AK7: variants seen among roughly 807,000 people sequenced by gnomAD.
AK7 encodes the protein adenylate kinase 7, also known as ATP-AMP transphosphorylase 7.
A neutral mutation model predicts 96.6 loss-of-function variants in AK7; 78 were observed. The observed-to-expected ratio is 0.81, with a 90% CI of 0.67 to 0.97. The LOEUF is 0.97. Ranked by LOEUF, AK7 falls within the 50% of genes least tolerant of loss-of-function variation. AK7 has a pLI of 0.00. For synonymous variants in AK7, 302 were observed against 317.2 expected, an observed-to-expected ratio of 0.95 and a Z score of 0.51; for missense variants, 855 against 887.9, an observed-to-expected ratio of 0.96 and a Z score of 0.47.
chr14:96,446,423 C>A, intron 7 of AK7, 94 bp from the exon 8 acceptor site: 4 of 1,052,200 alleles, frequency 3.8e-6, no homozygotes, highest in Non-Finnish European at 5.9e-6. Flanking sequence ...CCAAACCCCA[C>A]GCCCAGCCAT....
intron 4 of AK7, among the ~76,000 whole-genome samples, chr14:96,410,887 G>T (rs1890993176): frequency 6.6e-6 from 1 of 152,146 alleles, no homozygotes; most frequent in Admixed American, 6.6e-5. Flanking sequence ...TGTAGTTTTA[G>T]CTACTCAGGA....
chr14:96,486,186 A>G (rs751468386), intron 16 of AK7, among the ~76,000 whole-genome samples: 14 of 152,170 alleles, frequency 9.2e-5, no homozygotes, highest in Admixed American at 2.0e-4. Context: ...GCTTCAGGTG[A>G]GGCTTGATAT....
In AK7 at chr14:96,456,439, A is replaced by G; in HGVS notation, c.1191A>G (p.Gln397=). 2 of 1,613,708 alleles carry G rather than the reference A, an allele frequency of 1.2e-6. No homozygotes were observed. Among genetic ancestry groups the G allele is most frequent in the Admixed American group, 1.7e-5 (1 of 59,986 alleles). ...ACTACTACAAACTGCATCACATCCA[A>G]CTGAAGGATGTCATTTCTGAAGCCA... ...LANYYKLHHI[Q]LKDVISEAIA... Residue 397 remains glutamine, a synonymous_variant, in exon 11 of 18, where the codon CAA becomes CAG. Coordinates refer to ENST00000267584, the MANE Select transcript of AK7 (RefSeq NM_152327.5).
rs1895917278 is a variant in AK7 at position 96,488,827 on chromosome 14, T to TGC, written c.*484_*485insGC. ...AAGATTGGTGCCTGTAAGGTGGCTTTTTTTTTTTTTTTTTTTAAATGAAGC... is the reference window on the plus strand; with the variant it reads ...AAGATTGGTGCCTGTAAGGTGGCTTTGCTTTTTTTTTTTTTTTTAAATGAAGC... On this transcript the variant is annotated 3_prime_UTR_variant, in exon 18 of 18. Transcript: ENST00000267584. The TGC allele has an allele frequency of 6.9e-6, 1 of 145,338 alleles. No homozygotes were observed. The highest frequency in any genetic ancestry group is 1.5e-5 in the Non-Finnish European group (1 of 65,380). The allele number at this position is 145,338 out of a possible 1,614,324, so 9.0% of individuals were successfully genotyped here.
At chr14:96,473,127 TC>T (rs1660822799) in intron 14 of AK7, among the ~76,000 whole-genome samples, 1 of 151,556 alleles carries the variant, frequency 6.6e-6, no homozygotes, top group Non-Finnish European at 1.5e-5. Context: ...CTCTTTGTTT[TC>T]CCCGGTAACT....
chr14:96,450,569 C>CAA (rs36081779), intron 9 of AK7, among the ~76,000 whole-genome samples: 21 of 147,886 alleles, frequency 1.4e-4, no homozygotes, highest in African/African-American at 5.2e-4. Context: ...TCCATCACAA[C>CAA]AAAAAAAAAA....
rs1476730220 is a variant in AK7 at position 96,488,364 on chromosome 14, A to G, written c.*21A>G. The G allele has an allele frequency of 1.9e-6, 3 of 1,606,840 alleles. No individual in the cohort carries two copies. On this transcript the variant is annotated 3_prime_UTR_variant, in exon 18 of 18. Transcript: ENST00000267584. ...AGTGAAACTTGAAAGATCTGGTATT[A>G]TCTACCTTTACAGAACCACAGATCA... is the stretch of plus-strand genomic sequence containing the variant.
chr14:96,454,695 C>T (rs1430298247), intron 10 of AK7, among the ~76,000 whole-genome samples: 1 of 149,914 alleles, frequency 6.7e-6, no homozygotes, highest in Non-Finnish European at 1.5e-5. Context: ...ACAGGGATCT[C>T]ACTATATTGC....
At chr14:96,416,393 A>T (rs1041485859) in intron 4 of AK7, among the ~76,000 whole-genome samples, 2 of 152,016 alleles carry the variant, frequency 1.3e-5, no homozygotes, top group Admixed American at 1.3e-4. Context: ...CTCAAAAAAA[A>T]AAAAAGAGAA....
intron 16 of AK7, among the ~76,000 whole-genome samples, chr14:96,483,696 G>T (rs953729690): frequency 1.3e-5 from 2 of 152,168 alleles, no homozygotes; most frequent in African/African-American, 4.8e-5. Context: ...AAAGTGCTGG[G>T]ATTATAGGCA....
At position 96,483,070 on chromosome 14, in the gene AK7, C is replaced by T. The variant is rs778246524; in HGVS notation, c.1825C>T (p.Arg609Ter). ...GCTCATCAAAGAGATTGGGGAGCCT[C>T]GAAATTATGGTTTAACAGACGAAGA... is the stretch of plus-strand genomic sequence containing the variant. The part of the protein sequence containing the change: ...KQLIKEIGEP[R>*]NYGLTDEEKA... The change falls in exon 16 of 18, where the codon CGA becomes TGA. Residue 609 changes from arginine to a stop codon, truncating the protein, a stop_gained. Coordinates refer to ENST00000267584, the MANE Select transcript of AK7 (RefSeq NM_152327.5). LOFTEE classifies it high-confidence loss of function. 6.8e-6 allele frequency: 11 copies of T among 1,614,070 alleles called. No individual in the cohort carries two copies. Among genetic ancestry groups the T allele is most frequent in the Admixed American group, 1.7e-5 (1 of 59,990 alleles).
chr14:96,472,850 G>A, intron 14 of AK7, 95 bp downstream of exon 14: 1 of 983,968 alleles, frequency 1.0e-6, no homozygotes, highest in Non-Finnish European at 1.5e-6. Context: ...GGGAGGCCAA[G>A]GCGGGTGGAT....
chr14:96,468,073 CAA>C lies in AK7; in HGVS notation c.1358-3383_1358-3382del, dbSNP rs35563628. On this transcript the variant is annotated intron_variant, in intron 12 of 17. Transcript: ENST00000267584. Reference sequence around the variant, plus strand: ...GTGGCATAGCAAGACCCCGTCTCTACAAAAAAAAAAAAAAAAAAAAAAATTAG... The same window carrying C: ...GTGGCATAGCAAGACCCCGTCTCTACAAAAAAAAAAAAAAAAAAAAATTAG... 1.5e-3 allele frequency among the ~76,000 whole-genome samples: 115 copies of C among 79,104 alleles called. 1 individual carries two copies. The highest frequency in any genetic ancestry group is 1.3e-3 in the Non-Finnish European group (55 of 43,256). 51.9% of individuals were successfully genotyped at this position (79,104 alleles called of 152,430 possible).
intron 4 of AK7, among the ~76,000 whole-genome samples, chr14:96,410,998 C>A (rs1265345234): frequency 6.6e-6 from 1 of 151,992 alleles, no homozygotes; most frequent in African/African-American, 2.4e-5. Context: ...GAGACCCTGC[C>A]TCAAATAAAT....
chr14:96,472,951 G>A (rs564820648), intron 14 of AK7, among the ~76,000 whole-genome samples, 196 bp downstream of exon 14: 9 of 151,974 alleles, frequency 5.9e-5, no homozygotes, highest in African/African-American at 1.2e-4. Flanking sequence ...GTGTCGTAGC[G>A]TGTGCCTGTA....
intron 5 of AK7, among the ~76,000 whole-genome samples, chr14:96,436,521 T>C (rs1440463469): frequency 6.6e-6 from 1 of 152,178 alleles, no homozygotes; most frequent in East Asian, 1.9e-4. Context: ...GGTTCTCACC[T>C]GTAATCCCAG....
At chr14:96,419,913 C>T (rs1213404789) in intron 4 of AK7, among the ~76,000 whole-genome samples, 7 of 151,098 alleles carry the variant, frequency 4.6e-5, no homozygotes, top group Non-Finnish European at 2.9e-5. Context: ...CTCAGCCTCC[C>T]GAGTAGCTGG....
At chr14:96,430,639 A>G (rs1177008747) in intron 5 of AK7, among the ~76,000 whole-genome samples, 1 of 152,190 alleles carries the variant, frequency 6.6e-6, no homozygotes, top group Non-Finnish European at 1.5e-5. Flanking sequence ...CCACTTGATC[A>G]TGGTGGATAA....
At chr14:96,409,026 A>T in intron 4 of AK7, 85 bp downstream of exon 4, 2 of 1,358,780 alleles carry the variant, frequency 1.5e-6, no homozygotes, top group Non-Finnish European at 2.1e-6. Flanking sequence ...TCCTATGGCG[A>T]GTTGTGTATT....
Sources: gnomAD v4.1 joint callset for allele counts (sites outside exome capture counted in the v4.1 genomes callset) on GRCh38, gnomAD v4.1.1 for gene constraint, MANE v1.5 for transcripts, NCBI Gene and HGNC (gene_info 2026-07-23, HGNC 2026-07-21) for gene names.